Variants in TCERG1L observed in about 807,000 individuals in gnomAD.
TCERG1L encodes transcription elongation regulator 1-like protein.
A neutral mutation model predicts 56.3 loss-of-function variants in TCERG1L; 37 were observed. That is an observed-to-expected ratio of 0.66 (90% confidence interval 0.51 to 0.87). The LOEUF is 0.87. Among genes scored for constraint, TCERG1L ranks in the 40% least tolerant of loss-of-function variants. TCERG1L has a pLI of 0.00. For missense variants in TCERG1L, 799 were observed against 774.2 expected, an observed-to-expected ratio of 1.03 and a Z score of -0.38; for synonymous variants, 324 against 326.3, an observed-to-expected ratio of 0.99 and a Z score of 0.08.
intron 4 of TCERG1L, among the ~76,000 whole-genome samples, chr10:131,173,501 A>C (rs1396974068): frequency 3.3e-5 from 5 of 152,202 alleles, no homozygotes; most frequent in African/African-American, 1.2e-4. Context: ...TGGTGACTGC[A>C]TTGATTTTCC....
At chr10:131,225,223 C>A (rs1045944184) in intron 4 of TCERG1L, among the ~76,000 whole-genome samples, 1 of 152,212 alleles carries the variant, frequency 6.6e-6, no homozygotes, top group South Asian at 2.1e-4. Context: ...AATGCTACAA[C>A]CTGATAAGGT....
chr10:131,148,597 T>C (rs1257757344), intron 6 of TCERG1L, among the ~76,000 whole-genome samples: 3 of 150,180 alleles, frequency 2.0e-5, no homozygotes, highest in African/African-American at 7.4e-5. Flanking sequence ...CAGACACACA[T>C]GCACACGTAG....
chr10:131,255,136 G>C (rs1846153848), intron 4 of TCERG1L, among the ~76,000 whole-genome samples: 1 of 152,192 alleles, frequency 6.6e-6, no homozygotes, highest in African/African-American at 2.4e-5. Flanking sequence ...GCTTCCAGCA[G>C]GAAGGAAGGG....
intron 4 of TCERG1L, among the ~76,000 whole-genome samples, chr10:131,193,368 G>A (rs1845324319): frequency 6.6e-6 from 1 of 152,130 alleles, no homozygotes; most frequent in South Asian, 2.1e-4. Flanking sequence ...GTTTAATTAA[G>A]TTCCATTTGC....
intron 4 of TCERG1L, among the ~76,000 whole-genome samples, chr10:131,177,968 G>T (rs574175473): frequency 5.6e-4 from 85 of 152,002 alleles, no homozygotes; most frequent in African/African-American, 1.9e-3. Context: ...TTTTTCTCTA[G>T]AAACAGACCC....
chr10:131,172,684 C>A (rs1272145314), intron 4 of TCERG1L, among the ~76,000 whole-genome samples: 1 of 152,206 alleles, frequency 6.6e-6, no homozygotes, highest in East Asian at 1.9e-4. Flanking sequence ...CCTGTCCAGT[C>A]GCCTCCATTC....
chr10:131,181,621 C>A (rs1845176461), intron 4 of TCERG1L, among the ~76,000 whole-genome samples: 1 of 152,270 alleles, frequency 6.6e-6, no homozygotes, highest in South Asian at 2.1e-4. Flanking sequence ...CCAGCCTCAT[C>A]TGCTGCCAGC....
chr10:131,277,478 C>T (rs67826340), intron 3 of TCERG1L, among the ~76,000 whole-genome samples: 35,677 of 152,126 alleles, frequency 0.23, 5,106 homozygotes, highest in Non-Finnish European at 0.32. Flanking sequence ...AAGAGAGGGC[C>T]GCTCCCCACC....
chr10:131,226,221 G>A (rs566350889), intron 4 of TCERG1L, among the ~76,000 whole-genome samples: 1 of 152,328 alleles, frequency 6.6e-6, no homozygotes, highest in East Asian at 1.9e-4. Context: ...GAATACAGGT[G>A]TGATCCTCCA....
intron 4 of TCERG1L, among the ~76,000 whole-genome samples, chr10:131,174,773 C>A (rs1846130041): frequency 6.6e-6 from 1 of 152,142 alleles, no homozygotes; most frequent in African/African-American, 2.4e-5. Flanking sequence ...GACCAGAGAA[C>A]CAGAGCGTGG....
chr10:131,189,514 A>G (rs1172536852), intron 4 of TCERG1L, among the ~76,000 whole-genome samples: 2 of 152,100 alleles, frequency 1.3e-5, no homozygotes, highest in African/African-American at 4.8e-5. Flanking sequence ...TGATTTTATT[A>G]TTTTTTATGG....
chr10:131,099,273 C>T (rs1308037299), intron 10 of TCERG1L, among the ~76,000 whole-genome samples: 3 of 152,262 alleles, frequency 2.0e-5, no homozygotes, highest in Non-Finnish European at 4.4e-5. Flanking sequence ...GAGATGCAAT[C>T]TCTTTGTGAC....
chr10:131,250,754 G>A (rs1392779273), intron 4 of TCERG1L, among the ~76,000 whole-genome samples: 2 of 152,272 alleles, frequency 1.3e-5, no homozygotes, highest in African/African-American at 4.8e-5. Flanking sequence ...TAGGGAGTGA[G>A]AAGTTCTGCC....
In TCERG1L at chr10:131,118,137, T is replaced by G. The variant is rs1315399269; in HGVS notation, c.1260-1203A>C. 1.3e-5 allele frequency among the ~76,000 whole-genome samples: 2 copies of G among 152,152 alleles called. No individual in the cohort carries two copies. Among genetic ancestry groups the G allele is most frequent in the Non-Finnish European group, 2.9e-5 (2 of 68,026 alleles). ...CTGCCCACGGCATCAGACCACCCAT[T>G]TGAGAGCTCCCTTATTTTCAGCTGC... On this transcript the variant is annotated intron_variant, in intron 8 of 11. Transcript: ENST00000368642. The surrounding 1 kb of genome is among the most constrained non-coding windows in gnomAD (Gnocchi z 4.2).
intron 3 of TCERG1L, among the ~76,000 whole-genome samples, chr10:131,289,285 A>C (rs1846581142): frequency 6.6e-6 from 1 of 152,240 alleles, no homozygotes; most frequent in Non-Finnish European, 1.5e-5. Context: ...CCTTTTCAAC[A>C]GCATAAAGAA....
At position 131,260,137 on chromosome 10, in the gene TCERG1L, C is replaced by G; in HGVS notation, c.856+122G>C. The G allele has an allele frequency of 8.1e-7, 1 of 1,235,068 alleles. No homozygotes were observed. Among genetic ancestry groups the G allele is most frequent in the Non-Finnish European group, 1.0e-6 (1 of 989,774 alleles). 76.5% of individuals were successfully genotyped at this position (1,235,068 alleles called of 1,614,324 possible). On this transcript the variant is annotated intron_variant, in intron 4 of 11. Transcript: ENST00000368642. The surrounding 1 kb of genome is among the most constrained non-coding windows in gnomAD (Gnocchi z 5.8). The stretch of plus-strand genomic sequence containing the variant: ...CAAACGGCCCCAGCCGAATGTTTCC[C>G]TCAACCGGAGCCGGGCTTCAGGTCC...
intron 4 of TCERG1L, among the ~76,000 whole-genome samples, chr10:131,187,701 T>G (rs1158011443): frequency 6.6e-6 from 1 of 152,166 alleles, no homozygotes; most frequent in Admixed American, 6.5e-5. Context: ...CCGACCTAAC[T>G]GAGCTGCAAC....
chr10:131,108,135 C>G (rs1845373136), intron 9 of TCERG1L, among the ~76,000 whole-genome samples: 1 of 152,178 alleles, frequency 6.6e-6, no homozygotes, highest in African/African-American at 2.4e-5. Flanking sequence ...GTGGACAAAA[C>G]CGGCTCTCCC....
chr10:131,204,415 C>T (rs1012237193), intron 4 of TCERG1L, among the ~76,000 whole-genome samples: 3 of 152,146 alleles, frequency 2.0e-5, no homozygotes, highest in East Asian at 1.9e-4. Flanking sequence ...ACCCTGCCCC[C>T]GCATCTACAT....
Sources: gnomAD v4.1 joint callset for allele counts (sites outside exome capture counted in the v4.1 genomes callset) on GRCh38, gnomAD v4.1.1 for gene constraint, Gnocchi (gnomAD v3.1) non-coding constraint, MANE v1.5 for transcripts, NCBI Gene and HGNC (gene_info 2026-07-23, HGNC 2026-07-21) for gene names.